DOCK6: variants seen among roughly 807,000 people sequenced by gnomAD.
The protein encoded by DOCK6 is dedicator of cytokinesis 6, also known as dedicator of cytokinesis protein 6.
In DOCK6, 167 loss-of-function variants were observed where a neutral mutation model predicts 230.3. The observed-to-expected ratio is 0.73, with a 90% confidence interval of 0.64 to 0.82. DOCK6 has a LOEUF of 0.82. DOCK6 is among the 40% of genes least tolerant of loss of function. The pLI is 0.00. For synonymous variants in DOCK6, 1,148 were observed against 1,185.0 expected, an observed-to-expected ratio of 0.97 and a Z score of 0.64; for missense variants, 2,598 against 2,825.8, an observed-to-expected ratio of 0.92 and a Z score of 1.83.
rs1339806104 is a variant in DOCK6, at chr19:11,200,505, G to A, written c.5940-36C>T. The A allele has an allele frequency of 3.8e-6, 6 of 1,597,404 alleles. No homozygotes were observed. Among genetic ancestry groups the A allele is most frequent in the East Asian group, 4.5e-5 (2 of 44,058 alleles). ...GAGGGTGGGAGATGCTCAGAGACTC[G>A]CACACGGGACTGAAAGCAAGACTAG... On this transcript the variant is annotated intron_variant, in intron 46 of 47. Coordinates refer to ENST00000294618, the MANE Select transcript of DOCK6 (RefSeq NM_020812.4). The surrounding 1 kb of genome is among the most constrained non-coding windows in gnomAD (Gnocchi z 4.3).
At chr19:11,226,429 C>G (rs983886859) in intron 24 of DOCK6, among the ~76,000 whole-genome samples, 5 of 152,186 alleles carry the variant, frequency 3.3e-5, no homozygotes, top group African/African-American at 1.2e-4. Context: ...GAGGGCAAGG[C>G]GGGCAGATCA....
chr19:11,249,174 A>T (rs893664916), intron 6 of DOCK6, among the ~76,000 whole-genome samples: 17 of 152,360 alleles, frequency 1.1e-4, no homozygotes, highest in African/African-American at 3.8e-4. Flanking sequence ...ATAGGGATAT[A>T]CAGTTGGTAC....
chr19:11,252,643 A>T, intron 3 of DOCK6, 93 bp from the exon 4 acceptor site: 1 of 1,597,180 alleles, frequency 6.3e-7, no homozygotes, highest in Non-Finnish European at 8.6e-7. Context: ...CCTATTCCAG[A>T]CAAGGGGAGA....
Position 11,262,524 on chromosome 19 carries a change from C to A in DOCK6, c.-84G>T. 1.1e-6 allele frequency: 1 copy of A among 898,994 alleles called. No individual in the cohort carries two copies. The highest frequency in any genetic ancestry group is 6.3e-5 in the Admixed American group (1 of 15,818). The allele number at this position is 898,994 out of a possible 1,614,324, so 55.7% of individuals were successfully genotyped here. ...CCGGTTCTGGGCAGCCGGGGCGGGG[C>A]GGGGCCGGCGCGGGGGCGGGGCCCT... On this transcript the variant is annotated 5_prime_UTR_variant, in exon 1 of 48. Coordinates refer to ENST00000294618, the MANE Select transcript of DOCK6 (RefSeq NM_020812.4).
chr19:11,210,468 A>G (rs921671058), intron 37 of DOCK6, among the ~76,000 whole-genome samples: 20 of 100,538 alleles, frequency 2.0e-4, no homozygotes, highest in African/African-American at 7.9e-4. Context: ...TCACCCCTTC[A>G]CCTGTCCACC....
At chr19:11,244,021 T>C in intron 9 of DOCK6, 139 bp from the exon 10 acceptor site, 2 of 871,286 alleles carry the variant, frequency 2.3e-6, no homozygotes, top group Non-Finnish European at 1.8e-6. Context: ...ACACCTCCCA[T>C]GGCTCCCGCT....
At chr19:11,240,391 C>A in intron 14 of DOCK6, 2 of 1,299,014 alleles carry the variant, frequency 1.5e-6, no homozygotes, top group Non-Finnish European at 2.1e-6. Context: ...CCAGATCAGC[C>A]TCCCAGCTCT....
rs185059905 is a variant in DOCK6, at chr19:11,237,857, C to T, written c.1833-78G>A. On this transcript the variant is annotated intron_variant, in intron 16 of 47. Transcript: ENST00000294618. ...CCCCATCACCTCTGCCATGCCACGC[C>T]CTTATTGCTGCTAGGCCCCACTGTC... 1.3e-4 allele frequency: 199 copies of T among 1,477,476 alleles called. No individual in the cohort carries two copies. The African/African-American group carries it at 2.6e-3, about 19-fold the overall frequency. 91.5% of individuals were successfully genotyped at this position (1,477,476 alleles called of 1,614,324 possible).
At chr19:11,238,626 G>A (rs1433387442) in intron 14 of DOCK6, 3 of 292,886 alleles carry the variant, frequency 1.0e-5, no homozygotes, top group Non-Finnish European at 1.3e-5. Flanking sequence ...GAGGCACTCA[G>A]GGCCAGAGTT....
intron 21 of DOCK6, among the ~76,000 whole-genome samples, 188 bp from the exon 22 acceptor site, chr19:11,233,554 C>T (rs2079802224): frequency 6.6e-6 from 1 of 152,146 alleles, no homozygotes; most frequent in African/African-American, 2.4e-5. Context: ...TGAGAATAGG[C>T]CAGGTACAGT....
Position 11,208,681 on chromosome 19 carries a change from C to G in DOCK6, c.5088+5G>C. ...CTCTCCTGCACCCAGTCCCCAAGGCCTCACCATGGTGAAGTAGCCGGCTGC... is the reference window on the plus strand; with the variant it reads ...CTCTCCTGCACCCAGTCCCCAAGGCGTCACCATGGTGAAGTAGCCGGCTGC... On this transcript the variant is annotated splice_donor_5th_base_variant and intron_variant, in intron 39 of 47. Transcript: ENST00000294618. 1.9e-6 allele frequency: 3 copies of G among 1,609,016 alleles called. No homozygotes were observed. Among genetic ancestry groups the G allele is most frequent in the Non-Finnish European group, 2.6e-6 (3 of 1,176,084 alleles).
chr19:11,253,139 C>T (rs1297932012), intron 2 of DOCK6, among the ~76,000 whole-genome samples, 181 bp from the exon 3 acceptor site: 2 of 152,098 alleles, frequency 1.3e-5, no homozygotes, highest in Non-Finnish European at 2.9e-5. Flanking sequence ...ACCCCCACCT[C>T]AGCTTTCCCT....
Position 11,215,424 on chromosome 19 carries a change from C to A in DOCK6, c.4069G>T (p.Val1357Phe). The change falls in exon 32 of 48, where the codon GTC becomes TTC. Residue 1357 changes from valine (V) to phenylalanine (F), a missense_variant. Coordinates refer to ENST00000294618, the MANE Select transcript of DOCK6 (RefSeq NM_020812.4). Reference protein sequence around the residue: ...NPENVRWRKSVTHWKQTSDRV... With the variant: ...NPENVRWRKSFTHWKQTSDRV... ...TCTGAGGTTTGCTTCCAGTGTGTGA[C>A]GCTCTTCCGCCAGCGCACATTCTCC... 6.2e-7 allele frequency: 1 copy of A among 1,613,762 alleles called. No individual in the cohort carries two copies. Among genetic ancestry groups the A allele is most frequent in the Non-Finnish European group, 8.5e-7 (1 of 1,179,856 alleles).
intron 3 of DOCK6, 64 bp downstream of exon 3, chr19:11,252,719 T>C (rs2080137243): frequency 6.3e-7 from 1 of 1,596,810 alleles, no homozygotes; most frequent in African/African-American, 1.3e-5. Context: ...GAAGTCGGGC[T>C]GTTGATGGGG....
chr19:11,220,568 C>T (rs1487068572), intron 28 of DOCK6, among the ~76,000 whole-genome samples: 1 of 152,070 alleles, frequency 6.6e-6, no homozygotes, highest in Non-Finnish European at 1.5e-5. Flanking sequence ...CTTTTTTATA[C>T]AATGTCCAGA....
intron 1 of DOCK6, among the ~76,000 whole-genome samples, chr19:11,256,829 C>G (rs977584472): frequency 1.3e-5 from 2 of 151,902 alleles, no homozygotes; most frequent in East Asian, 1.9e-4. Context: ...AGGCACCCAC[C>G]ACCATGCCCG....
At position 11,245,628 on chromosome 19, in the gene DOCK6, T is replaced by G; in HGVS notation, c.958A>C (p.Thr320Pro). ...RAHGTHPAIS[T>P]LARSAIFSVT... ...GAGAAGATGGCAGAGCGGGCCAGGG[T>G]GGAGATGGCAGGGTGGGTGCCATGA... Residue 320 changes from threonine (T) to proline (P), a missense_variant, in exon 9 of 48, where the codon ACC (threonine) becomes CCC (proline). Coordinates refer to ENST00000294618, the MANE Select transcript of DOCK6 (RefSeq NM_020812.4). 1 of 1,599,830 alleles carries G rather than the reference T, an allele frequency of 6.3e-7. No homozygotes were observed. The highest frequency in any genetic ancestry group is 8.5e-7 in the Non-Finnish European group (1 of 1,173,390).
In DOCK6 at chr19:11,243,511, AC is replaced by A; in HGVS notation, c.1258+45del. 6.4e-7 allele frequency: 1 copy of A among 1,555,554 alleles called. No individual in the cohort carries two copies. The highest frequency in any genetic ancestry group is 8.7e-7 in the Non-Finnish European group (1 of 1,151,784). On this transcript the variant is annotated intron_variant, in intron 11 of 47. Transcript: ENST00000294618. The surrounding 1 kb of genome is among the most constrained non-coding windows in gnomAD (Gnocchi z 6.3). ...GTAGCCCCGCCCCAGGCCTGTCAGC[AC>A]CACCCTTTAGCCCCGCCCCAAGCCT... is the stretch of plus-strand genomic sequence containing the variant.
At chr19:11,261,815 T>TC (rs2080293953) in intron 1 of DOCK6, among the ~76,000 whole-genome samples, 1 of 143,934 alleles carries the variant, frequency 6.9e-6, no homozygotes, top group Admixed American at 6.9e-5. Flanking sequence ...AAGCAGAAGG[T>TC]GGGGGGGCGT....
Sources: allele counts gnomAD v4.1 joint callset (sites outside exome capture counted in the v4.1 genomes callset), GRCh38; gene constraint gnomAD v4.1.1; non-coding constraint Gnocchi (gnomAD v3.1); transcripts MANE v1.5; gene names NCBI Gene and HGNC (gene_info 2026-07-23, HGNC 2026-07-21).